PREX1: variants seen among roughly 807,000 people sequenced by gnomAD.
The protein encoded by PREX1 is phosphatidylinositol-3,4,5-trisphosphate dependent Rac exchange factor 1, also known as phosphatidylinositol 3,4,5-trisphosphate-dependent Rac exchanger 1 protein.
A neutral mutation model predicts 198.3 loss-of-function variants in PREX1; 41 were observed. That is an observed-to-expected ratio of 0.21 (90% confidence interval 0.16 to 0.27). The LOEUF is 0.27. Ranked by LOEUF, PREX1 falls within the 10% of genes least tolerant of loss-of-function variation. The probability of loss-of-function intolerance (pLI) is 1.00; values close to 1 mark genes in which losing one functional copy is unlikely to be tolerated. For missense variants in PREX1, 1,620 were observed against 2,200.7 expected (o/e 0.74, Z 5.28); for synonymous variants, 843 against 887.2 (o/e 0.95, Z 0.89).
At chr20:48,863,952 C>T in the PREX1 span, among the ~76,000 whole-genome samples, 1 of 152,118 alleles carries the variant, frequency 6.6e-6, no homozygotes, top group African/African-American at 2.4e-5. Context: ...CTTGATAGAT[C>T]TTTTTTTCTA....
chr20:48,710,327 G>A (rs966945992), intron 5 of PREX1, among the ~76,000 whole-genome samples: 2 of 152,198 alleles, frequency 1.3e-5, no homozygotes, highest in Admixed American at 1.3e-4. Flanking sequence ...TGGAGGCTGG[G>A]CAAAGAACAA....
chr20:48,636,547 G>A lies in PREX1; in HGVS notation c.4083C>T (p.Arg1361=), dbSNP rs769174526. ...GCTCCAGCCACTTGCGGCTGGCGTCGCGGCTGCTCTCCTCGTACTCGCCAT... is the reference window on the plus strand; with the variant it reads ...GCTCCAGCCACTTGCGGCTGGCGTCACGGCTGCTCTCCTCGTACTCGCCAT... ...NNNGEYEESS[R]DASRKWLEQV... is the part of the protein sequence containing the mutation. Residue 1361 remains arginine, a synonymous_variant, in exon 32 of 40, where the codon CGC becomes CGT. Transcript: ENST00000371941. The A allele has an allele frequency of 2.5e-6, 4 of 1,611,500 alleles. No homozygotes were observed. Among genetic ancestry groups the A allele is most frequent in the Admixed American group, 1.7e-5 (1 of 59,980 alleles).
intron 5 of PREX1, 28 bp downstream of exon 5, chr20:48,726,262 T>C (rs778063089): frequency 4.4e-6 from 7 of 1,578,338 alleles, no homozygotes; most frequent in Non-Finnish European, 6.1e-6. Flanking sequence ...AAGAGTTTTC[T>C]GTCACTTCAA....
At chr20:48,739,387 T>C (rs1427411979) in intron 3 of PREX1, among the ~76,000 whole-genome samples, 2 of 152,202 alleles carry the variant, frequency 1.3e-5, no homozygotes, top group African/African-American at 4.8e-5. Flanking sequence ...TCTCAAATAT[T>C]CCATAAGACA....
chr20:48,671,655 A>G (rs2089676101), intron 14 of PREX1, among the ~76,000 whole-genome samples: 1 of 152,198 alleles, frequency 6.6e-6, no homozygotes, highest in African/African-American at 2.4e-5. Context: ...TCCTGCTAAG[A>G]TGCAAGGTGG....
At chr20:48,828,527 G>A (rs1053361104), upstream of PREX1, among the ~76,000 whole-genome samples, 1 of 146,416 alleles carries the variant, frequency 6.8e-6, no homozygotes, top group Non-Finnish European at 1.5e-5. Flanking sequence ...GGCGACCGCT[G>A]CCTGGGCAGT....
intron 1 of PREX1, among the ~76,000 whole-genome samples, chr20:48,808,501 G>C (rs113548422): frequency 1.3e-5 from 2 of 152,118 alleles, no homozygotes; most frequent in African/African-American, 4.8e-5. Context: ...TCTCCTGCCC[G>C]GGCTGCTGTG....
the PREX1 span, among the ~76,000 whole-genome samples, chr20:48,876,546 T>A: frequency 6.6e-6 from 1 of 152,150 alleles, no homozygotes; most frequent in Non-Finnish European, 1.5e-5. Flanking sequence ...CTTGGATGTG[T>A]GATCTCGCCT....
At chr20:48,648,632 A>G (rs995187707) in intron 25 of PREX1, among the ~76,000 whole-genome samples, 3 of 152,134 alleles carry the variant, frequency 2.0e-5, no homozygotes, top group African/African-American at 7.2e-5. Context: ...GCCTCCCCAC[A>G]TGGACGTGCT....
intron 10 of PREX1, among the ~76,000 whole-genome samples, chr20:48,688,409 A>G (rs1405375151): frequency 6.6e-6 from 1 of 152,184 alleles, no homozygotes; most frequent in Non-Finnish European, 1.5e-5. Context: ...TCAATCATAT[A>G]TTACATGAAT....
intron 5 of PREX1, among the ~76,000 whole-genome samples, chr20:48,714,871 T>C (rs1474291272): frequency 1.3e-5 from 2 of 152,114 alleles, no homozygotes; most frequent in African/African-American, 4.8e-5. Context: ...TCAGAGGGAG[T>C]GCACAGATAT....
rs374889975 is a variant in PREX1 at position 48,651,073 on chromosome 20, G to C, written c.2656-18C>G. On this transcript the variant is annotated intron_variant, in intron 22 of 39. Coordinates refer to ENST00000371941, the MANE Select transcript of PREX1 (RefSeq NM_020820.4). ...TCGAGGATCTGCAGAAATGTCAACAGCTACTGAGCATTCCCTGTGTGCCGG... is the reference window on the plus strand; with the variant it reads ...TCGAGGATCTGCAGAAATGTCAACACCTACTGAGCATTCCCTGTGTGCCGG... 106 of 1,612,786 alleles carry C rather than the reference G, an allele frequency of 6.6e-5. 2 individuals carry two copies. The highest frequency in any genetic ancestry group is 3.6e-4 in the East Asian group (16 of 44,876).
At chr20:48,653,097 T>C (rs1269981494) in intron 20 of PREX1, among the ~76,000 whole-genome samples, 6 of 152,140 alleles carry the variant, frequency 3.9e-5, no homozygotes, top group Admixed American at 3.9e-4. Context: ...AACATGCCTA[T>C]GTGGTGAGGA....
intron 5 of PREX1, among the ~76,000 whole-genome samples, chr20:48,710,113 G>T (rs2089923700): frequency 6.6e-6 from 1 of 152,170 alleles, no homozygotes; most frequent in Admixed American, 6.5e-5. Context: ...CTTCCCTGGG[G>T]GCTTGAGAAA....
intron 33 of PREX1, among the ~76,000 whole-genome samples, chr20:48,633,569 G>A (rs1177886106): frequency 2.6e-5 from 4 of 152,154 alleles, no homozygotes; most frequent in Non-Finnish European, 5.9e-5. Context: ...CAGCATACAG[G>A]CCTCTGGACT....
At chr20:48,764,966 C>G (rs949705177) in intron 1 of PREX1, among the ~76,000 whole-genome samples, 9 of 152,022 alleles carry the variant, frequency 5.9e-5, no homozygotes, top group African/African-American at 2.2e-4. Context: ...CCAGACCCCC[C>G]AGGAGCACAG....
chr20:48,849,110 G>C, the PREX1 span, among the ~76,000 whole-genome samples: 2 of 151,388 alleles, frequency 1.3e-5, no homozygotes, highest in Non-Finnish European at 2.9e-5. Flanking sequence ...AAAAAAAAAG[G>C]AATGTTTGTG....
At chr20:48,752,508 G>C (rs1361741325) in intron 1 of PREX1, among the ~76,000 whole-genome samples, 2 of 152,198 alleles carry the variant, frequency 1.3e-5, no homozygotes, top group African/African-American at 4.8e-5. Context: ...CTCATGTGCA[G>C]GGCAGGCCAG....
chr20:48,636,015 G>A (rs149918248), intron 32 of PREX1, among the ~76,000 whole-genome samples: 28 of 152,314 alleles, frequency 1.8e-4, no homozygotes, highest in African/African-American at 6.7e-4. Context: ...AGCAGCAGGG[G>A]CTCCAGGAGC....
Sources: allele counts gnomAD v4.1 joint callset (sites outside exome capture counted in the v4.1 genomes callset), GRCh38; gene constraint gnomAD v4.1.1; transcripts MANE v1.5; gene names NCBI Gene and HGNC (gene_info 2026-07-23, HGNC 2026-07-21).